The following AUTS2 variants were observed in gnomAD, a reference collection of about 807,000 sequenced individuals.
The protein encoded by AUTS2 is activator of transcription and developmental regulator AUTS2, also known as autism susceptibility gene 2 protein.
In AUTS2, 17 loss-of-function variants were observed where a neutral mutation model predicts 112.4. The ratio of observed to expected loss-of-function variants is 0.15; its 90% CI spans 0.10 to 0.23. AUTS2 has a LOEUF of 0.23. AUTS2 is among the 10% of genes least tolerant of loss of function. The pLI, the probability that AUTS2 is intolerant of heterozygous loss-of-function variation, is 1.00. For synonymous variants in AUTS2, 751 were observed against 702.7 expected (o/e 1.07, Z -1.09); for missense variants, 1,510 against 1,701.6 (o/e 0.89, Z 1.98).
At chr7:69,832,017 C>T (rs1791521624) in intron 1 of AUTS2, among the ~76,000 whole-genome samples, 1 of 152,114 alleles carries the variant, frequency 6.6e-6, no homozygotes, top group African/African-American at 2.4e-5. Flanking sequence ...TTTTGTGTGA[C>T]ATTTTCAAAA....
intron 2 of AUTS2, among the ~76,000 whole-genome samples, chr7:70,017,971 T>A (rs1312197318): frequency 1.3e-5 from 2 of 151,878 alleles, no homozygotes; most frequent in African/African-American, 4.8e-5. Flanking sequence ...TCTTCAGAAC[T>A]AATCCTGAGA....
intron 1 of AUTS2, among the ~76,000 whole-genome samples, chr7:69,676,275 A>C (rs1796559396): frequency 6.6e-6 from 1 of 152,208 alleles, no homozygotes; most frequent in South Asian, 2.1e-4. Context: ...CCCTGAGACT[A>C]CCTAGGGTGG....
chr7:70,347,755 C>G (rs1791559523), intron 4 of AUTS2, among the ~76,000 whole-genome samples: 1 of 152,178 alleles, frequency 6.6e-6, no homozygotes, highest in African/African-American at 2.4e-5. Context: ...GGGCTTTGCA[C>G]AGTCCCCTCA....
chr7:70,246,400 T>A (rs560375711), intron 4 of AUTS2, among the ~76,000 whole-genome samples: 194 of 152,222 alleles, frequency 1.3e-3, no homozygotes, highest in African/African-American at 4.5e-3. Flanking sequence ...TTCAACTTTA[T>A]TTTTCTCCAT....
chr7:69,695,256 G>A (rs1797507723), intron 1 of AUTS2, among the ~76,000 whole-genome samples: 1 of 152,120 alleles, frequency 6.6e-6, no homozygotes, highest in Non-Finnish European at 1.5e-5. Flanking sequence ...TCGAGCCCCA[G>A]AGATCAAGGC....
chr7:69,936,597 C>T (rs991458133), intron 2 of AUTS2, among the ~76,000 whole-genome samples: 1 of 152,180 alleles, frequency 6.6e-6, no homozygotes, highest in Non-Finnish European at 1.5e-5. Context: ...AATCCACCAG[C>T]CTAGGCCTCC....
intron 1 of AUTS2, among the ~76,000 whole-genome samples, chr7:69,713,757 G>A (rs1356611926): frequency 6.6e-6 from 1 of 152,052 alleles, no homozygotes; most frequent in African/African-American, 2.4e-5. Context: ...CACTGTGCCC[G>A]GCCTTAAGAG....
intron 4 of AUTS2, among the ~76,000 whole-genome samples, chr7:70,339,391 T>C (rs1348528952): frequency 6.6e-6 from 1 of 152,242 alleles, no homozygotes; most frequent in Admixed American, 6.5e-5. Context: ...CAAAACAACG[T>C]GCTAATTTAT....
chr7:70,558,564 T>C (rs1801346824), intron 5 of AUTS2, among the ~76,000 whole-genome samples: 1 of 152,156 alleles, frequency 6.6e-6, no homozygotes, highest in Non-Finnish European at 1.5e-5. Flanking sequence ...GTGGGAAACT[T>C]GTATGGAAGC....
intron 2 of AUTS2, among the ~76,000 whole-genome samples, chr7:70,018,499 C>G (rs113406489): frequency 1.5e-3 from 228 of 152,280 alleles, no homozygotes; most frequent in African/African-American, 5.2e-3. Flanking sequence ...TTTACTATAG[C>G]CATTCTGAGG....
At chr7:70,627,820 G>A (rs557138247) in intron 5 of AUTS2, among the ~76,000 whole-genome samples, 7 of 152,360 alleles carry the variant, frequency 4.6e-5, no homozygotes, top group African/African-American at 1.7e-4. Context: ...GGAAAAGACA[G>A]TTAATTTCTG....
At chr7:70,131,182 C>T (rs755766972) in intron 3 of AUTS2, among the ~76,000 whole-genome samples, 2 of 152,064 alleles carry the variant, frequency 1.3e-5, no homozygotes, top group South Asian at 4.2e-4. Flanking sequence ...CTTGGCACGG[C>T]GCCTCATGCC....
At chr7:69,937,023 A>C (rs1764584478) in intron 2 of AUTS2, among the ~76,000 whole-genome samples, 1 of 144,176 alleles carries the variant, frequency 6.9e-6, no homozygotes, top group Non-Finnish European at 1.5e-5. Context: ...CTCTCTTCTC[A>C]TTTGATATAA....
chr7:70,409,845 A>G (rs1322029385), intron 4 of AUTS2, among the ~76,000 whole-genome samples: 1 of 152,348 alleles, frequency 6.6e-6, no homozygotes, highest in South Asian at 2.1e-4. Context: ...GTACACCTTT[A>G]TAAGTTATCC....
intron 2 of AUTS2, among the ~76,000 whole-genome samples, chr7:70,103,601 T>G (rs1412606484): frequency 6.6e-6 from 1 of 152,092 alleles, no homozygotes; most frequent in Admixed American, 6.6e-5. Context: ...TTATGTACAA[T>G]TATTAGAAAA....
intron 5 of AUTS2, among the ~76,000 whole-genome samples, chr7:70,531,013 CT>C (rs1461412450): frequency 6.6e-6 from 1 of 151,790 alleles, no homozygotes; most frequent in African/African-American, 2.4e-5. Flanking sequence ...GATGTTTTTG[CT>C]GTGCAACAGA....
intron 2 of AUTS2, among the ~76,000 whole-genome samples, chr7:70,031,705 T>C (rs1308251864): frequency 6.6e-6 from 1 of 152,168 alleles, no homozygotes; most frequent in East Asian, 1.9e-4. Flanking sequence ...TGAGTGATGC[T>C]CTAATTTTTG....
intron 1 of AUTS2, among the ~76,000 whole-genome samples, chr7:69,717,612 A>G (rs1402004232): frequency 1.3e-5 from 2 of 152,192 alleles, no homozygotes; most frequent in African/African-American, 4.8e-5. Flanking sequence ...TTTTTGAAGT[A>G]TCCTGCTTCA....
chr7:70,059,584 G>A (rs749656969), intron 2 of AUTS2, among the ~76,000 whole-genome samples: 5 of 152,160 alleles, frequency 3.3e-5, no homozygotes, highest in African/African-American at 7.2e-5. Flanking sequence ...TGGAAATTCT[G>A]TATGAAAGAG....
Sources: allele counts gnomAD v4.1 joint callset (sites outside exome capture counted in the v4.1 genomes callset), GRCh38; gene constraint gnomAD v4.1.1; transcripts MANE v1.5; gene names NCBI Gene and HGNC (gene_info 2026-07-23, HGNC 2026-07-21).